Variants in ABI2 observed in about 807,000 individuals in gnomAD.
ABI2 encodes abelson interactor 2.
Under a neutral mutation model 59.2 loss-of-function variants are expected in ABI2, and 25 were observed. That is an observed-to-expected ratio of 0.42 (90% CI 0.31 to 0.59). ABI2 has a LOEUF of 0.59. Ranked by LOEUF, ABI2 falls within the 20% of genes least tolerant of loss-of-function variation. ABI2 has a pLI of 0.14. For missense variants in ABI2, 545 were observed against 681.8 expected, an observed-to-expected ratio of 0.80 and a Z score of 2.23; for synonymous variants, 213 against 235.5, an observed-to-expected ratio of 0.90 and a Z score of 0.87.
chr2:203,331,718 A>G (rs1175764990), intron 1 of ABI2, among the ~76,000 whole-genome samples: 1 of 151,072 alleles, frequency 6.6e-6, no homozygotes, highest in Non-Finnish European at 1.5e-5. Flanking sequence ...CTAACCCAAC[A>G]CTCATTTTAT....
At chr2:203,338,939 T>TATATATATATATATATATATATAA (rs1188602673) in intron 1 of ABI2, among the ~76,000 whole-genome samples, 1 of 5,044 alleles carries the variant, frequency 2.0e-4, no homozygotes, top group African/African-American at 3.7e-4. Flanking sequence ...TATATGTATA[T>TATATATATATATATATATATATAA]ATATATATAT....
intron 4 of ABI2, chr2:203,386,598 C>A: frequency 5.5e-6 from 1 of 181,936 alleles, no homozygotes. Context: ...AACCTTCCCA[C>A]ATTGATATTT....
At chr2:203,352,492 G>A (rs2089386446) in intron 1 of ABI2, among the ~76,000 whole-genome samples, 1 of 151,856 alleles carries the variant, frequency 6.6e-6, no homozygotes, top group South Asian at 2.1e-4. Flanking sequence ...GTGGAAGACA[G>A]TGATATTGAT....
Position 203,366,739 on chromosome 2 carries a change from G to A in ABI2, c.118-138G>A, listed in dbSNP as rs1577261713. 10 of 796,376 alleles carry A rather than the reference G, an allele frequency of 1.3e-5. No homozygotes were observed. The Admixed American group carries it at 3.4e-4, about 27-fold the overall frequency. 49.3% of individuals were successfully genotyped at this position (796,376 alleles called of 1,614,324 possible). On this transcript the variant is annotated intron_variant, in intron 1 of 11. Transcript: ENST00000261018. ...GTTTGGGGTTTATGTGATACCAGTA[G>A]TTTTCAATTCTGGTGGATTAGTTTT...
chr2:203,403,317 A>G (rs191427814), intron 9 of ABI2: 1 of 154,792 alleles, frequency 6.5e-6, no homozygotes, highest in Non-Finnish European at 1.5e-5. Context: ...TACTCCCCAG[A>G]GAGGGCAAGA....
chr2:203,397,098 C>T, intron 8 of ABI2, 131 bp downstream of exon 8: 5 of 1,206,372 alleles, frequency 4.1e-6, no homozygotes, highest in Non-Finnish European at 5.2e-6. Context: ...AATGTACTAA[C>T]CAGAAAGTAT....
intron 1 of ABI2, chr2:203,355,093 T>C (rs752715303): frequency 2.0e-5 from 6 of 301,984 alleles, no homozygotes; most frequent in Non-Finnish European, 3.7e-5. Context: ...CTGTCAACCT[T>C]GGATTTCCCT....
chr2:203,427,035 T>G (rs1236569247), intron 11 of ABI2, 142 bp from the exon 12 acceptor site: 2 of 640,460 alleles, frequency 3.1e-6, no homozygotes, highest in Non-Finnish European at 5.3e-6. Flanking sequence ...AAAAAAAACA[T>G]GTAAGTTTTG....
intron 1 of ABI2, among the ~76,000 whole-genome samples, chr2:203,356,557 C>T (rs569768654): frequency 2.6e-5 from 4 of 152,078 alleles, no homozygotes; most frequent in East Asian, 3.9e-4. Flanking sequence ...TTAGTAGAGA[C>T]GGGAATCTCA....
In ABI2 at chr2:203,413,707, T is replaced by C. The variant is rs567188240; in HGVS notation, c.1279+2336T>C. On this transcript the variant is annotated intron_variant, in intron 10 of 11. Transcript: ENST00000261018. ...TTTGAATGTTTAAGTCTTTAAACTC[T>C]TTAAAACATTCACCTTGGAAAAATA... Among the ~76,000 whole-genome samples, 10 of 152,356 alleles carry C rather than the reference T, an allele frequency of 6.6e-5. No individual in the cohort carries two copies. In the South Asian group the frequency reaches 1.4e-3, roughly 22 times the overall value.
chr2:203,416,323 T>C (rs2097891310), intron 10 of ABI2, among the ~76,000 whole-genome samples: 1 of 152,122 alleles, frequency 6.6e-6, no homozygotes, highest in Non-Finnish European at 1.5e-5. Flanking sequence ...GTTTTTGAGA[T>C]GCGGTCTTGC....
rs1485480389 is a variant in ABI2 at position 203,428,606 on chromosome 2, C to T, written c.*1254C>T. The T allele has an allele frequency of 6.6e-6, 1 of 152,410 alleles. No homozygotes were observed. The highest frequency in any genetic ancestry group is 2.4e-5 in the African/African-American group (1 of 41,436). 9.4% of individuals were successfully genotyped at this position (152,410 alleles called of 1,614,324 possible). A position where few individuals can be genotyped will look rare whatever the true frequency, so the allele number is the denominator to read the frequency against. ...TTGATAAAAATTAATATAACTGACA[C>T]AATAAAACACATTTCCCCCATCTGT... On this transcript the variant is annotated 3_prime_UTR_variant, in exon 12 of 12. Coordinates refer to ENST00000261018, the MANE Select transcript of ABI2 (RefSeq NM_001375670.1).
Position 203,428,724 on chromosome 2 carries a change from T to C in ABI2, c.*1372T>C, listed in dbSNP as rs562942284. The C allele has an allele frequency of 6.6e-6, 1 of 152,176 alleles. No homozygotes were observed. Among genetic ancestry groups the C allele is most frequent in the Non-Finnish European group, 1.5e-5 (1 of 68,072 alleles). The allele number at this position is 152,176 out of a possible 1,614,324, so 9.4% of individuals were successfully genotyped here. A position where few individuals can be genotyped will look rare whatever the true frequency, so the allele number is the denominator to read the frequency against. The stretch of plus-strand genomic sequence containing the variant: ...TCAGTATAAGAAATGCTGAAAAAAA[T>C]CCAGGAGGGCTTGTCTCTTTGTGGG... On this transcript the variant is annotated 3_prime_UTR_variant, in exon 12 of 12. Coordinates refer to ENST00000261018, the MANE Select transcript of ABI2 (RefSeq NM_001375670.1).
intron 4 of ABI2, among the ~76,000 whole-genome samples, chr2:203,388,100 C>T (rs1203441618): frequency 1.3e-5 from 2 of 151,924 alleles, no homozygotes; most frequent in Admixed American, 6.6e-5. Flanking sequence ...TATTTCTGTT[C>T]TTCCTTTTCT....
intron 1 of ABI2, among the ~76,000 whole-genome samples, chr2:203,334,124 A>G (rs2075337560): frequency 6.6e-6 from 1 of 152,002 alleles, no homozygotes. Context: ...TATTTTTAGT[A>G]AAGACAGGGT....
At position 203,358,071 on chromosome 2, in the gene ABI2, T is replaced by TTGTGTGTGTGTGTG. The variant is rs71007506; in HGVS notation, c.118-8776_118-8763dup. 1.6e-3 allele frequency among the ~76,000 whole-genome samples: 207 copies of TTGTGTGTGTGTGTG among 128,812 alleles called. 1 individual carries two copies. The highest frequency in any genetic ancestry group is 4.1e-3 in the East Asian group (17 of 4,136). 84.5% of individuals were successfully genotyped at this position (128,812 alleles called of 152,430 possible). On this transcript the variant is annotated intron_variant, in intron 1 of 11. Coordinates refer to ENST00000261018, the MANE Select transcript of ABI2 (RefSeq NM_001375670.1). Reference sequence around the variant, plus strand: ...CCATGAGCCACTGTGCCTGGCCTGTTTGTGTGTGTGTGTGTGTGTGTGTGT... The same window carrying TTGTGTGTGTGTGTG: ...CCATGAGCCACTGTGCCTGGCCTGTTTGTGTGTGTGTGTGTGTGTGTGTGTGTGTGTGTGTGTGT...
chr2:203,418,541 G>A lies in ABI2; in HGVS notation c.1453+1460G>A, dbSNP rs1225371474. On this transcript the variant is annotated intron_variant, in intron 11 of 11. Coordinates refer to ENST00000261018, the MANE Select transcript of ABI2 (RefSeq NM_001375670.1). The stretch of plus-strand genomic sequence containing the variant: ...TGGCCAGAGGCTGCCCACAATTCTG[G>A]ATCACATAGGCTTCTCCGTAGGGCA... Among the ~76,000 whole-genome samples the A allele has an allele frequency of 2.6e-5, 4 of 152,220 alleles. No individual in the cohort carries two copies. In the East Asian group the frequency reaches 7.7e-4, roughly 29 times the overall value.
rs187798229 is a variant in ABI2 at position 203,419,973 on chromosome 2, A to G, written c.1453+2892A>G. ...ATTGCACTCCAGCCTGGGCAACAAG[A>G]GCGAAACTCCATCTCCAAGAAAAAC... On this transcript the variant is annotated intron_variant, in intron 11 of 11. Transcript: ENST00000261018. 4.3e-4 allele frequency among the ~76,000 whole-genome samples: 65 copies of G among 152,284 alleles called. 1 individual carries two copies. In the East Asian group the frequency reaches 0.01, roughly 24 times the overall value.
intron 1 of ABI2, among the ~76,000 whole-genome samples, chr2:203,341,271 G>A (rs2079751691): frequency 6.6e-6 from 1 of 152,022 alleles, no homozygotes; most frequent in Non-Finnish European, 1.5e-5. Flanking sequence ...TTCCCTCCCT[G>A]GTATGTGAGG....
Sources: allele counts gnomAD v4.1 joint callset (sites outside exome capture counted in the v4.1 genomes callset), GRCh38; gene constraint gnomAD v4.1.1; transcripts MANE v1.5; gene names NCBI Gene and HGNC (gene_info 2026-07-23, HGNC 2026-07-21).